TSPEAR: variants seen among roughly 807,000 people sequenced by gnomAD.
TSPEAR encodes the protein thrombospondin type laminin G domain and EAR repeats, also known as thrombospondin-type laminin G domain and EAR repeat-containing protein.
A neutral mutation model predicts 71.6 loss-of-function variants in TSPEAR; 69 were observed. The ratio of observed to expected loss-of-function variants is 0.96; its 90% CI spans 0.79 to 1.18. TSPEAR has a LOEUF of 1.18. Ranked by LOEUF, TSPEAR falls within the 50% of genes most tolerant of loss-of-function variation. The pLI, the probability that TSPEAR is intolerant of heterozygous loss-of-function variation, is 0.00. For missense variants in TSPEAR, 971 were observed against 894.9 expected (o/e 1.09, Z -1.09); for synonymous variants, 402 against 387.2 (o/e 1.04, Z -0.45).
chr21:44,625,764 T>A (rs1028766542), intron 1 of TSPEAR, among the ~76,000 whole-genome samples: 13 of 152,390 alleles, frequency 8.5e-5, no homozygotes, highest in African/African-American at 2.9e-4. Context: ...TGGCCACTGC[T>A]GCACCTTCTC....
chr21:44,677,884 C>T (rs781961692), intron 1 of TSPEAR: 18 of 1,386,168 alleles, frequency 1.3e-5, no homozygotes, highest in Non-Finnish European at 1.8e-5. Flanking sequence ...AAATGGGAAG[C>T]CCATTTGGCA....
At chr21:44,570,203 A>G (rs587725673) in intron 1 of TSPEAR, among the ~76,000 whole-genome samples, 12 of 152,318 alleles carry the variant, frequency 7.9e-5, no homozygotes, top group African/African-American at 2.6e-4. Flanking sequence ...CAGTCAGCCC[A>G]TCGCTCGCTG....
In TSPEAR at chr21:44,556,726, C is replaced by T. The variant is rs140563990; in HGVS notation, c.303+11059G>A. On this transcript the variant is annotated intron_variant, in intron 2 of 11. Transcript: ENST00000323084. ...AGAAGTTGCTCCAGGGATTCCAGTTCTGGAAACCTGTTGATGAGATTGTTT... is the reference window on the plus strand; with the variant it reads ...AGAAGTTGCTCCAGGGATTCCAGTTTTGGAAACCTGTTGATGAGATTGTTT... Among the ~76,000 whole-genome samples, 857 of 152,234 alleles carry T rather than the reference C, an allele frequency of 5.6e-3. 9 individuals are homozygous for T. The highest frequency in any genetic ancestry group is 0.02 in the African/African-American group (825 of 41,528).
At chr21:44,633,941 A>T (rs2146212815) in intron 1 of TSPEAR, among the ~76,000 whole-genome samples, 1 of 152,056 alleles carries the variant, frequency 6.6e-6, no homozygotes, top group African/African-American at 2.4e-5. Flanking sequence ...GAATGTTTAT[A>T]ACTGATGTTA....
intron 1 of TSPEAR, chr21:44,574,125 G>A: frequency 1.3e-6 from 2 of 1,596,104 alleles, no homozygotes; most frequent in Non-Finnish European, 1.7e-6. Flanking sequence ...CTGCAAGCCT[G>A]TGTGCTGTGT....
chr21:44,606,632 A>G (rs587709460), intron 1 of TSPEAR, among the ~76,000 whole-genome samples: 5 of 152,338 alleles, frequency 3.3e-5, no homozygotes, highest in Admixed American at 6.5e-5. Context: ...CAGTTCATCA[A>G]TTGATGAATG....
In TSPEAR at chr21:44,499,033, C is replaced by G. The variant is rs1434192391; in HGVS notation, c.*750G>C. The stretch of plus-strand genomic sequence containing the variant: ...GCAGACGGAGGCACGCAGCCTGAGT[C>G]CCAGTCAGCTGGAGGACATGTGATT... On this transcript the variant is annotated 3_prime_UTR_variant, in exon 12 of 12. Transcript: ENST00000323084. 1 of 152,270 alleles carries G rather than the reference C, an allele frequency of 6.6e-6. No individual in the cohort carries two copies. Among genetic ancestry groups the G allele is most frequent in the East Asian group, 1.9e-4 (1 of 5,202 alleles). The allele number at this position is 152,270 out of a possible 1,614,324, so 9.4% of individuals were successfully genotyped here.
rs782369185 is a variant in TSPEAR at position 44,646,496 on chromosome 21, A to C, written c.82+64937T>G. ...ACCATGTCTGTCTGCTCCAGCGCTTACTCCGACTCCTGGCAGGTGGACGAC... is the reference window on the plus strand; with the variant it reads ...ACCATGTCTGTCTGCTCCAGCGCTTCCTCCGACTCCTGGCAGGTGGACGAC... On this transcript the variant is annotated intron_variant, in intron 1 of 11. Transcript: ENST00000323084. 3.7e-6 allele frequency: 6 copies of C among 1,611,794 alleles called. 1 individual carries two copies. In the South Asian group the frequency reaches 5.5e-5, roughly 15 times the overall value.
chr21:44,660,258 C>G (rs1372240665), intron 1 of TSPEAR, among the ~76,000 whole-genome samples: 2 of 152,090 alleles, frequency 1.3e-5, no homozygotes, highest in Middle Eastern at 3.2e-3. Context: ...TACATAAAGT[C>G]CCATATCCAA....
chr21:44,648,976 C>T (rs1297119433), intron 1 of TSPEAR, among the ~76,000 whole-genome samples: 1 of 152,214 alleles, frequency 6.6e-6, no homozygotes, highest in Non-Finnish European at 1.5e-5. Flanking sequence ...GCGACAGCTC[C>T]GAGTGCTCTG....
rs374275740 is a variant in TSPEAR at position 44,646,520 on chromosome 21, A to C, written c.82+64913T>G. On this transcript the variant is annotated intron_variant, in intron 1 of 11. Transcript: ENST00000323084. Reference sequence around the variant, plus strand: ...TACTCCGACTCCTGGCAGGTGGACGACTGCCCAGAGAGCTGCTGTGAGCCC... The same window carrying C: ...TACTCCGACTCCTGGCAGGTGGACGCCTGCCCAGAGAGCTGCTGTGAGCCC... 9.5e-5 allele frequency: 153 copies of C among 1,612,622 alleles called. No individual in the cohort carries two copies. The East Asian group carries it at 1.6e-3, about 17-fold the overall frequency.
At chr21:44,680,012 G>T (rs920641024) in intron 1 of TSPEAR, among the ~76,000 whole-genome samples, 7 of 152,100 alleles carry the variant, frequency 4.6e-5, no homozygotes, top group Non-Finnish European at 2.9e-5. Context: ...AAAAACACAG[G>T]CAACAAAAAC....
chr21:44,561,022 C>CA (rs587695478), intron 2 of TSPEAR, among the ~76,000 whole-genome samples: 2 of 151,814 alleles, frequency 1.3e-5, no homozygotes, highest in Admixed American at 6.6e-5. Context: ...AAAAACCCTT[C>CA]AAAAAAATCA....
intron 1 of TSPEAR, chr21:44,646,911 C>A (rs966534283): frequency 3.7e-6 from 6 of 1,613,764 alleles, no homozygotes; most frequent in Non-Finnish European, 5.1e-6. Flanking sequence ...TGCCCGTCTG[C>A]TGCAAGCCTG....
At chr21:44,554,162 G>A (rs2146038869) in intron 2 of TSPEAR, among the ~76,000 whole-genome samples, 1 of 152,318 alleles carries the variant, frequency 6.6e-6, no homozygotes, top group East Asian at 1.9e-4. Flanking sequence ...TAGGTCAGGA[G>A]GGTGGAGCCC....
At chr21:44,516,145 C>A (rs1555913394) in intron 9 of TSPEAR, 1 of 152,266 alleles carries the variant, frequency 6.6e-6, no homozygotes, top group Non-Finnish European at 1.5e-5. Flanking sequence ...CAGCCACAGA[C>A]CACCTTCCAG....
intron 1 of TSPEAR, among the ~76,000 whole-genome samples, chr21:44,692,691 T>G (rs1601571990): frequency 6.6e-6 from 1 of 152,096 alleles, no homozygotes; most frequent in East Asian, 1.9e-4. Context: ...CTGTAAAACA[T>G]TGCTGAAAGA....
chr21:44,610,369 G>C (rs1371880071), intron 1 of TSPEAR, among the ~76,000 whole-genome samples: 2 of 152,238 alleles, frequency 1.3e-5, no homozygotes, highest in Non-Finnish European at 2.9e-5. Flanking sequence ...CTGGGTGAAA[G>C]GAGCCAATGT....
chr21:44,511,838 G>C lies in TSPEAR; in HGVS notation c.1567-2452C>G, dbSNP rs868956279. Among the ~76,000 whole-genome samples the C allele has an allele frequency of 1.8e-4, 28 of 152,246 alleles. 1 individual carries two copies. The highest frequency in any genetic ancestry group is 8.5e-4 in the Admixed American group (13 of 15,288). On this transcript the variant is annotated intron_variant, in intron 9 of 11. Transcript: ENST00000323084. ...GCCCTGTAGCAGCCCAGGGTGATGG[G>C]GGACCCCGAGCTGGCACTCAGCACT...
Sources: allele counts gnomAD v4.1 joint callset (sites outside exome capture counted in the v4.1 genomes callset), GRCh38; gene constraint gnomAD v4.1.1; transcripts MANE v1.5; gene names NCBI Gene and HGNC (gene_info 2026-07-23, HGNC 2026-07-21).